The following ANKIB1 variants were observed in gnomAD, a reference collection of about 807,000 sequenced individuals.
ANKIB1 encodes ankyrin repeat and IBR domain-containing protein 1.
ANKIB1 carries 43 observed loss-of-function variants against 122.1 expected under a neutral mutation model. The observed-to-expected ratio is 0.35, with a 90% CI of 0.28 to 0.45. The LOEUF is 0.45. Among genes scored for constraint, ANKIB1 ranks in the 20% least tolerant of loss-of-function variants. The pLI is 1.00. For missense variants in ANKIB1, 992 were observed against 1,329.5 expected, an observed-to-expected ratio of 0.75 and a Z score of 3.95; for synonymous variants, 390 against 442.0, an observed-to-expected ratio of 0.88 and a Z score of 1.48.
chr7:92,391,102 C>A, intron 15 of ANKIB1, 64 bp from the exon 16 acceptor site: 1 of 1,389,828 alleles, frequency 7.2e-7, no homozygotes, highest in Non-Finnish European at 9.6e-7. Flanking sequence ...CCACATAGAC[C>A]CTGGATTTGC....
At chr7:92,320,723 T>C (rs1276385125) in intron 4 of ANKIB1, among the ~76,000 whole-genome samples, 3 of 152,342 alleles carry the variant, frequency 2.0e-5, no homozygotes, top group African/African-American at 7.2e-5. Flanking sequence ...TCTGAGCTAC[T>C]GTAATAGTTT....
rs559950494 is a variant in ANKIB1 at position 92,282,641 on chromosome 7, C to T, written c.-90-12248C>T. Among the ~76,000 whole-genome samples the T allele has an allele frequency of 9.9e-5, 15 of 152,270 alleles. No homozygotes were observed. The South Asian group carries it at 3.1e-3, about 32-fold the overall frequency. ...AAAATTACACTATTTGCCAACAGCACCACAGTGTAAGAGCTTGAAATGTTT... is the reference window on the plus strand; with the variant it reads ...AAAATTACACTATTTGCCAACAGCATCACAGTGTAAGAGCTTGAAATGTTT... On this transcript the variant is annotated intron_variant, in intron 1 of 19. Coordinates refer to ENST00000265742, the MANE Select transcript of ANKIB1 (RefSeq NM_019004.2).
chr7:92,371,394 A>C (rs918400651), intron 10 of ANKIB1, 83 bp from the exon 11 acceptor site: 22 of 1,224,554 alleles, frequency 1.8e-5, no homozygotes, highest in Non-Finnish European at 2.4e-5. Context: ...CAGCCTGCAA[A>C]GAAAAGTGTG....
intron 1 of ANKIB1, among the ~76,000 whole-genome samples, chr7:92,271,305 T>C (rs1801785991): frequency 1.3e-5 from 2 of 152,214 alleles, no homozygotes; most frequent in Admixed American, 1.3e-4. Context: ...AATTCTTTTC[T>C]GTTGTATGAA....
chr7:92,248,923 T>C (rs1225636999), intron 1 of ANKIB1, among the ~76,000 whole-genome samples: 2 of 147,222 alleles, frequency 1.4e-5, no homozygotes, highest in African/African-American at 2.5e-5. Context: ...AGTCTCATTC[T>C]CTTGCCAAGG....
At chr7:92,254,266 GGTTT>G (rs1801389825) in intron 1 of ANKIB1, among the ~76,000 whole-genome samples, 1 of 152,118 alleles carries the variant, frequency 6.6e-6, no homozygotes, top group Non-Finnish European at 1.5e-5. Flanking sequence ...AGTTTGGGAT[GGTTT>G]GTTCTGTAGC....
At chr7:92,369,806 T>C (rs1804192132) in intron 10 of ANKIB1, among the ~76,000 whole-genome samples, 1 of 152,030 alleles carries the variant, frequency 6.6e-6, no homozygotes, top group South Asian at 2.1e-4. Context: ...AAAAAGAAAA[T>C]AAAACAAAAC....
intron 5 of ANKIB1, among the ~76,000 whole-genome samples, chr7:92,338,057 A>G (rs62467839): frequency 0.33 from 49,749 of 151,910 alleles, 8,398 homozygotes; most frequent in Middle Eastern, 0.37. Flanking sequence ...TAGTTTAGGC[A>G]AGAAATAGGA....
At chr7:92,324,988 G>C (rs1478387629) in intron 4 of ANKIB1, among the ~76,000 whole-genome samples, 1 of 152,204 alleles carries the variant, frequency 6.6e-6, no homozygotes, top group Non-Finnish European at 1.5e-5. Context: ...TAATTTTGGA[G>C]AGTGGGAACT....
At position 92,343,024 on chromosome 7, in the gene ANKIB1, A is replaced by T. The variant is rs754157093; in HGVS notation, c.788A>T (p.Asp263Val). 10 of 1,613,600 alleles carry T rather than the reference A, an allele frequency of 6.2e-6. No homozygotes were observed. The Admixed American group carries it at 1.0e-4, about 16-fold the overall frequency. ...GCTATCCATTCCATTTTTCTTTAAG[A>T]CTGGGACAGGGAGAAATTACTTGAA... Reference protein sequence around the residue: ...FTAEALLRAHDWDREKLLEAW... With the variant: ...FTAEALLRAHVWDREKLLEAW... The change falls in exon 6 of 20, where the codon GAC (aspartate) becomes GTC (valine). Residue 263 changes from aspartate (D) to valine (V), a missense_variant and splice_region_variant. By Grantham distance (152) the Asp-to-Val change is radical. Coordinates refer to ENST00000265742, the MANE Select transcript of ANKIB1 (RefSeq NM_019004.2).
At chr7:92,310,431 A>G (rs1285174672) in intron 3 of ANKIB1, among the ~76,000 whole-genome samples, 4 of 152,160 alleles carry the variant, frequency 2.6e-5, no homozygotes, top group Non-Finnish European at 5.9e-5. Flanking sequence ...ACTTGAGTAT[A>G]TATACTCTTG....
chr7:92,321,366 C>T (rs2131950946), intron 4 of ANKIB1, among the ~76,000 whole-genome samples: 1 of 152,236 alleles, frequency 6.6e-6, no homozygotes, highest in East Asian at 1.9e-4. Context: ...CCTGTCTTAT[C>T]TGAAACTTTA....
chr7:92,348,588 G>A (rs1268264407), intron 7 of ANKIB1, among the ~76,000 whole-genome samples: 4 of 152,142 alleles, frequency 2.6e-5, no homozygotes, highest in South Asian at 4.1e-4. Flanking sequence ...GTTTCACCAC[G>A]TTGGTCAGGC....
At chr7:92,254,093 T>C (rs1298193915) in intron 1 of ANKIB1, among the ~76,000 whole-genome samples, 2 of 152,134 alleles carry the variant, frequency 1.3e-5, no homozygotes, top group Non-Finnish European at 2.9e-5. Context: ...ATACCCCAGC[T>C]AACAGCAAGC....
chr7:92,255,083 T>C (rs761684967), intron 1 of ANKIB1, among the ~76,000 whole-genome samples: 1 of 152,214 alleles, frequency 6.6e-6, no homozygotes, highest in Non-Finnish European at 1.5e-5. Context: ...TCTGCCATGA[T>C]TGTGAGGCCC....
rs1390720147 is a variant in ANKIB1 at position 92,392,254 on chromosome 7, A to G, written c.2245A>G (p.Thr749Ala). The G allele has an allele frequency of 7.4e-6, 12 of 1,611,228 alleles. No homozygotes were observed. The highest frequency in any genetic ancestry group is 1.0e-5 in the Non-Finnish European group (12 of 1,178,348). The change falls in exon 17 of 20, where the codon ACA (threonine) becomes GCA (alanine). Residue 749 changes from threonine to alanine, a missense_variant. Physicochemically the swap from Thr to Ala is moderately conservative, Grantham distance 58. Transcript: ENST00000265742. Reference sequence around the variant, plus strand: ...ATTTCTTTGTAGCTTTGCTGGTGGAACATGGGATTGGGAATATTTAGGATT... The same window carrying G: ...ATTTCTTTGTAGCTTTGCTGGTGGAGCATGGGATTGGGAATATTTAGGATT... ...EAPRRSFAGG[T>A]WDWEYLGFAS...
chr7:92,343,896 A>G (rs1175924574), intron 6 of ANKIB1, among the ~76,000 whole-genome samples: 1 of 152,182 alleles, frequency 6.6e-6, no homozygotes, highest in African/African-American at 2.4e-5. Flanking sequence ...CAGTACTGCC[A>G]TTGTCAGCAT....
intron 1 of ANKIB1, among the ~76,000 whole-genome samples, chr7:92,252,143 A>G (rs1405549277): frequency 6.6e-6 from 1 of 152,156 alleles, no homozygotes; most frequent in Non-Finnish European, 1.5e-5. Context: ...ATGTAAAACC[A>G]TGCCACTAAT....
chr7:92,253,442 A>G (rs1311348150), intron 1 of ANKIB1, among the ~76,000 whole-genome samples: 1 of 152,174 alleles, frequency 6.6e-6, no homozygotes, highest in African/African-American at 2.4e-5. Flanking sequence ...CTGTTTCCAC[A>G]CAACACCCAT....
Sources: allele counts gnomAD v4.1 joint callset (sites outside exome capture counted in the v4.1 genomes callset), GRCh38; gene constraint gnomAD v4.1.1; transcripts MANE v1.5; gene names NCBI Gene and HGNC (gene_info 2026-07-23, HGNC 2026-07-21).